The following CDH12 variants were observed in gnomAD, a reference collection of about 807,000 sequenced individuals.
CDH12 encodes the protein cadherin-12.
Under a neutral mutation model 74.1 loss-of-function variants are expected in CDH12, and 41 were observed. That is an observed-to-expected ratio of 0.55 (90% CI 0.43 to 0.72). CDH12 has a LOEUF of 0.72. CDH12 is among the 30% of genes least tolerant of loss of function. The pLI is 0.00. For synonymous variants in CDH12, 399 were observed against 355.0 expected (o/e 1.12, Z -1.39); for missense variants, 945 against 977.2 (o/e 0.97, Z 0.44).
At chr5:22,494,043 C>A (rs964920370) in intron 2 of CDH12, among the ~76,000 whole-genome samples, 1 of 152,108 alleles carries the variant, frequency 6.6e-6, no homozygotes, top group African/African-American at 2.4e-5. Context: ...GAAACCCCCA[C>A]AAATTGGGAG....
At chr5:22,628,181 T>G (rs1244722165) in intron 1 of CDH12, among the ~76,000 whole-genome samples, 1 of 151,922 alleles carries the variant, frequency 6.6e-6, no homozygotes, top group African/African-American at 2.4e-5. Context: ...CCACAGACAT[T>G]ATTAGATCAA....
At chr5:22,629,009 G>A (rs1358021034) in intron 1 of CDH12, among the ~76,000 whole-genome samples, 5 of 151,582 alleles carry the variant, frequency 3.3e-5, no homozygotes, top group African/African-American at 1.2e-4. Flanking sequence ...TACAAGAAAT[G>A]GAAAAGAATC....
At chr5:22,392,714 T>C (rs2126422968) in intron 3 of CDH12, among the ~76,000 whole-genome samples, 1 of 152,304 alleles carries the variant, frequency 6.6e-6, no homozygotes, top group Non-Finnish European at 1.5e-5. Flanking sequence ...TTGTGAATCC[T>C]GGATTGTAGG....
chr5:22,537,023 C>T (rs571895047), intron 1 of CDH12, among the ~76,000 whole-genome samples: 4 of 152,264 alleles, frequency 2.6e-5, no homozygotes, highest in African/African-American at 7.2e-5. Context: ...ACACCAAGGG[C>T]CTTTGCTTCT....
chr5:22,244,545 A>C (rs1261348935), intron 3 of CDH12, among the ~76,000 whole-genome samples: 4 of 97,612 alleles, frequency 4.1e-5, no homozygotes, highest in African/African-American at 6.6e-5. Flanking sequence ...AAGAAGAAGA[A>C]GAAGAAGAAG....
intron 3 of CDH12, among the ~76,000 whole-genome samples, chr5:22,290,844 G>A (rs536381759): frequency 6.6e-6 from 1 of 152,132 alleles, no homozygotes; most frequent in South Asian, 2.1e-4. Context: ...AATGAGTAAG[G>A]AAACTAAAGC....
rs989838148 is a variant in CDH12 at position 22,675,704 on chromosome 5, C to T, written c.-522-170340G>A. Among the ~76,000 whole-genome samples, 9 of 151,992 alleles carry T rather than the reference C, an allele frequency of 5.9e-5. No individual in the cohort carries two copies. The East Asian group carries it at 1.6e-3, about 26-fold the overall frequency. ...CCACCATGTGAGACATGCCTTTCAC[C>T]TTCCACCATGATTGTGGAGCCTCCC... On this transcript the variant is annotated intron_variant, in intron 1 of 14. Coordinates refer to ENST00000382254, the MANE Select transcript of CDH12 (RefSeq NM_004061.5).
At chr5:22,081,652 A>G (rs1742736856) in intron 4 of CDH12, among the ~76,000 whole-genome samples, 1 of 152,174 alleles carries the variant, frequency 6.6e-6, no homozygotes, top group Admixed American at 6.5e-5. Flanking sequence ...CTGACATCTA[A>G]GGTCATCTCT....
At chr5:21,781,039 T>C (rs963396458) in intron 11 of CDH12, among the ~76,000 whole-genome samples, 4 of 152,102 alleles carry the variant, frequency 2.6e-5, no homozygotes, top group African/African-American at 9.7e-5. Flanking sequence ...GACTGCTTGG[T>C]AGCTAACTCA....
At position 22,837,338 on chromosome 5, in the gene CDH12, G is replaced by A. The variant is rs560427446; in HGVS notation, c.-523+15720C>T. ...CAGGAGGATTGCTTGAGCCCAGCAC[G>A]TTGAGGCTACAGTGAGCCATGATCT... On this transcript the variant is annotated intron_variant, in intron 1 of 14. Transcript: ENST00000382254. Among the ~76,000 whole-genome samples the A allele has an allele frequency of 3.9e-5, 6 of 152,218 alleles. No homozygotes were observed. In the South Asian group the frequency reaches 6.2e-4, roughly 16 times the overall value.
intron 3 of CDH12, among the ~76,000 whole-genome samples, chr5:22,275,121 C>T (rs1736573007): frequency 6.6e-6 from 1 of 151,864 alleles, no homozygotes; most frequent in African/African-American, 2.4e-5. Flanking sequence ...ACACTGAGGC[C>T]TGTCAGGAGG....
At chr5:21,803,360 T>C (rs1334708437) in intron 9 of CDH12, among the ~76,000 whole-genome samples, 1 of 152,112 alleles carries the variant, frequency 6.6e-6, no homozygotes, top group African/African-American at 2.4e-5. Context: ...TTCTCAGAAC[T>C]GTATATATAA....
intron 3 of CDH12, among the ~76,000 whole-genome samples, chr5:22,394,337 G>A (rs1561370257): frequency 6.6e-6 from 1 of 152,080 alleles, no homozygotes; most frequent in African/African-American, 2.4e-5. Context: ...CAGACATACT[G>A]CTAGCTTGGA....
chr5:22,608,212 C>T (rs186164692), intron 1 of CDH12, among the ~76,000 whole-genome samples: 2 of 152,308 alleles, frequency 1.3e-5, no homozygotes, highest in East Asian at 1.9e-4. Context: ...CCCTGCAAAG[C>T]CACAGGGTTG....
intron 2 of CDH12, among the ~76,000 whole-genome samples, chr5:22,472,410 A>G (rs1354541354): frequency 6.6e-6 from 1 of 152,110 alleles, no homozygotes; most frequent in Non-Finnish European, 1.5e-5. Flanking sequence ...GAGTTGATCC[A>G]GGACTGTGAC....
intron 1 of CDH12, among the ~76,000 whole-genome samples, chr5:22,724,234 T>A (rs919332456): frequency 1.4e-4 from 21 of 146,094 alleles, no homozygotes; most frequent in Admixed American, 7.7e-4. Context: ...TTTTAATTTT[T>A]AAAATTTTTT....
At chr5:22,410,501 C>T (rs1743129136) in intron 2 of CDH12, among the ~76,000 whole-genome samples, 1 of 152,090 alleles carries the variant, frequency 6.6e-6, no homozygotes, top group Admixed American at 6.6e-5. Context: ...AGCATTAGAT[C>T]ATATCCTTTC....
intron 12 of CDH12, among the ~76,000 whole-genome samples, chr5:21,762,874 C>CT (rs10561731): frequency 0.03 from 3,831 of 128,460 alleles, 66 homozygotes; most frequent in African/African-American, 0.039. Flanking sequence ...AAAGAACTGG[C>CT]TTTTTTTTTT....
chr5:22,821,543 G>C (rs1375423762), intron 1 of CDH12, among the ~76,000 whole-genome samples: 1 of 152,072 alleles, frequency 6.6e-6, no homozygotes, highest in African/African-American at 2.4e-5. Context: ...AAAGTCTCAG[G>C]ATATAAAATC....
Sources: gnomAD v4.1 joint callset for allele counts (sites outside exome capture counted in the v4.1 genomes callset) on GRCh38, gnomAD v4.1.1 for gene constraint, MANE v1.5 for transcripts, NCBI Gene and HGNC (gene_info 2026-07-23, HGNC 2026-07-21) for gene names.